Variants in NLGN1 observed in about 807,000 individuals in gnomAD.
NLGN1 encodes neuroligin 1.
A neutral mutation model predicts 65.5 loss-of-function variants in NLGN1; 12 were observed. The observed-to-expected ratio is 0.18, with a 90% CI of 0.12 to 0.30. The LOEUF (loss-of-function observed/expected upper bound fraction) is 0.30. NLGN1 is among the 10% of genes least tolerant of loss of function. The pLI is 1.00. For synonymous variants in NLGN1, 350 were observed against 359.5 expected, an observed-to-expected ratio of 0.97 and a Z score of 0.30; for missense variants, 750 against 1,007.1, an observed-to-expected ratio of 0.74 and a Z score of 3.46.
intron 4 of NLGN1, among the ~76,000 whole-genome samples, chr3:173,808,124 A>G (rs3732928): frequency 0.045 from 6,829 of 152,088 alleles, 374 homozygotes; most frequent in East Asian, 0.18. Flanking sequence ...TTGAACAAAT[A>G]TTTCCTTCTT....
intron 3 of NLGN1, among the ~76,000 whole-genome samples, chr3:173,739,994 T>C (rs1223686365): frequency 6.6e-6 from 1 of 152,140 alleles, no homozygotes; most frequent in Non-Finnish European, 1.5e-5. Flanking sequence ...TCATTGTAAC[T>C]GTTTTCCCAT....
chr3:173,552,951 A>G (rs907183753), intron 2 of NLGN1, among the ~76,000 whole-genome samples: 1 of 152,224 alleles, frequency 6.6e-6, no homozygotes, highest in African/African-American at 2.4e-5. Context: ...TGATCCATGG[A>G]TCAGAGACAT....
chr3:173,887,174 T>A (rs1338284649), intron 4 of NLGN1, among the ~76,000 whole-genome samples: 1 of 152,096 alleles, frequency 6.6e-6, no homozygotes, highest in Non-Finnish European at 1.5e-5. Flanking sequence ...TTTGAAAAGC[T>A]TGTAGACACC....
In NLGN1 at chr3:173,506,535, A is replaced by C. The variant is rs538155895; in HGVS notation, c.-321+71457A>C. On this transcript the variant is annotated intron_variant, in intron 2 of 6. Transcript: ENST00000457714. ...ACACAAATATTTCATATCATTTTAC[A>C]GTTGTTACAGGCATTTTAAAATATT... Among the ~76,000 whole-genome samples the C allele has an allele frequency of 8.9e-3, 1,347 of 152,160 alleles. 12 individuals carry two copies. Among genetic ancestry groups the C allele is most frequent in the Non-Finnish European group, 0.015 (1,014 of 67,966 alleles).
At chr3:174,225,473 T>C in intron 4 of NLGN1, among the ~76,000 whole-genome samples, 1 of 152,222 alleles carries the variant, frequency 6.6e-6, no homozygotes, top group East Asian at 1.9e-4. Flanking sequence ...GGCTCACGCC[T>C]GTAATCCCAG....
intron 4 of NLGN1, among the ~76,000 whole-genome samples, chr3:174,012,152 A>G (rs1241155559): frequency 6.6e-6 from 1 of 152,098 alleles, no homozygotes; most frequent in East Asian, 1.9e-4. Flanking sequence ...AACTTGTGCA[A>G]CTGCAGTTGT....
At chr3:173,971,717 A>G (rs1264418066) in intron 4 of NLGN1, among the ~76,000 whole-genome samples, 1 of 152,062 alleles carries the variant, frequency 6.6e-6, no homozygotes, top group Non-Finnish European at 1.5e-5. Context: ...CCTTGCAGTC[A>G]CAAGGCATGA....
chr3:174,265,671 G>A (rs957122593), intron 4 of NLGN1, among the ~76,000 whole-genome samples: 1 of 151,452 alleles, frequency 6.6e-6, no homozygotes, highest in African/African-American at 2.4e-5. Flanking sequence ...CTGTAGACCG[G>A]AGCTGTTCCT....
chr3:174,101,711 G>A (rs1712536046), intron 4 of NLGN1, among the ~76,000 whole-genome samples: 1 of 152,078 alleles, frequency 6.6e-6, no homozygotes, highest in Non-Finnish European at 1.5e-5. Context: ...GCACAATAGT[G>A]CCCACACTAT....
rs569022924 is a variant in NLGN1, at chr3:173,491,387, T to C, written c.-321+56309T>C. ...TTTGTCATTGGTTCTGTTTATACGC[T>C]GGATTATGTTTATTGATTTTCATAT... On this transcript the variant is annotated intron_variant, in intron 2 of 6. Transcript: ENST00000457714. Among the ~76,000 whole-genome samples the C allele has an allele frequency of 1.8e-4, 28 of 151,956 alleles. 2 individuals carry two copies. Among genetic ancestry groups the C allele is most frequent in the African/African-American group, 6.8e-4 (28 of 41,226 alleles).
chr3:174,281,754 A>T (rs1406784670), exon 7 of NLGN1: 8 of 155,920 alleles, frequency 5.1e-5, no homozygotes, highest in African/African-American at 1.9e-4. Flanking sequence ...ATATTTGGAT[A>T]AGTACACAAA....
chr3:173,423,299 C>T (rs1027284879), intron 1 of NLGN1, among the ~76,000 whole-genome samples: 2 of 152,140 alleles, frequency 1.3e-5, no homozygotes, highest in African/African-American at 2.4e-5. Flanking sequence ...GCCCTTGGCT[C>T]CTCCCAAATC....
chr3:173,783,781 A>T (rs1470065068), intron 3 of NLGN1, among the ~76,000 whole-genome samples: 1 of 152,048 alleles, frequency 6.6e-6, no homozygotes, highest in African/African-American at 2.4e-5. Context: ...TGCCAGGCTA[A>T]TTTTTGTATT....
intron 1 of NLGN1, among the ~76,000 whole-genome samples, chr3:173,427,130 C>A (rs1716254725): frequency 6.6e-6 from 1 of 151,880 alleles, no homozygotes; most frequent in African/African-American, 2.4e-5. Flanking sequence ...ACAATAATCT[C>A]CAATAATCCT....
intron 2 of NLGN1, among the ~76,000 whole-genome samples, chr3:173,568,187 CCTTTT>C (rs967447998): frequency 2.0e-5 from 3 of 147,670 alleles, no homozygotes; most frequent in Non-Finnish European, 4.5e-5. Context: ...TCTTTTCTTC[CCTTTT>C]CTTTTCTTTC....
intron 4 of NLGN1, among the ~76,000 whole-genome samples, chr3:174,124,576 CAT>C (rs568575339): frequency 1.8e-4 from 14 of 79,552 alleles, no homozygotes; most frequent in African/African-American, 9.9e-4. Context: ...TACGTATACA[CAT>C]ATATACGTAT....
intron 4 of NLGN1, among the ~76,000 whole-genome samples, chr3:173,845,252 A>G (rs1023320473): frequency 4.6e-5 from 7 of 152,188 alleles, no homozygotes; most frequent in African/African-American, 1.7e-4. Context: ...GGTGAGTCTA[A>G]CTCAGTAGTC....
chr3:174,109,482 G>C (rs2152611668), intron 4 of NLGN1, among the ~76,000 whole-genome samples: 1 of 151,750 alleles, frequency 6.6e-6, no homozygotes, highest in African/African-American at 2.4e-5. Context: ...CCTCATGTTT[G>C]ACCATGCACA....
intron 3 of NLGN1, among the ~76,000 whole-genome samples, chr3:173,779,227 T>G (rs1560351991): frequency 6.6e-6 from 1 of 152,072 alleles, no homozygotes; most frequent in African/African-American, 2.4e-5. Context: ...TTTCAAATAA[T>G]ATTTCTAGGA....
Sources: gnomAD v4.1 joint callset for allele counts (sites outside exome capture counted in the v4.1 genomes callset) on GRCh38, gnomAD v4.1.1 for gene constraint, MANE v1.5 for transcripts, NCBI Gene and HGNC (gene_info 2026-07-23, HGNC 2026-07-21) for gene names.